NFU1: variants seen among roughly 807,000 people sequenced by gnomAD.
NFU1 encodes the protein NFU1 iron-sulfur cluster scaffold homolog, mitochondrial.
In NFU1, 30 loss-of-function variants were observed where a neutral mutation model predicts 32.2. That is an observed-to-expected ratio of 0.93 (90% CI 0.70 to 1.26). The LOEUF (loss-of-function observed/expected upper bound fraction) is 1.26. Ranked by LOEUF, NFU1 falls within the 50% of genes most tolerant of loss-of-function variation. NFU1 has a pLI of 0.00. For missense variants in NFU1, 306 were observed against 306.6 expected, an observed-to-expected ratio of 1.00 and a Z score of 0.02; for synonymous variants, 112 against 104.6, an observed-to-expected ratio of 1.07 and a Z score of -0.43.
At chr2:69,401,612 G>A (rs936367152) in intron 6 of NFU1, among the ~76,000 whole-genome samples, 2 of 152,114 alleles carry the variant, frequency 1.3e-5, no homozygotes, top group African/African-American at 4.8e-5. Context: ...TATTACTACT[G>A]GGAATATACC....
intron 4 of NFU1, among the ~76,000 whole-genome samples, chr2:69,417,295 T>C (rs1045817114): frequency 6.6e-6 from 1 of 152,006 alleles, no homozygotes; most frequent in East Asian, 1.9e-4. Context: ...TGATAGTCCA[T>C]GATGAGAAAC....
rs1673656113 is a variant in NFU1 at position 69,432,018 on chromosome 2, G to C, written c.63-13C>G. On this transcript the variant is annotated splice_polypyrimidine_tract_variant and intron_variant, in intron 1 of 7. Coordinates refer to ENST00000410022, the MANE Select transcript of NFU1 (RefSeq NM_001002755.4). ...CATATGACAGAACCTGCATTTAAAAGCACATAATGAATGACATTTTAAGAG... is the reference window on the plus strand; with the variant it reads ...CATATGACAGAACCTGCATTTAAAACCACATAATGAATGACATTTTAAGAG... The C allele has an allele frequency of 6.5e-7, 1 of 1,537,638 alleles. No homozygotes were observed. Among genetic ancestry groups the C allele is most frequent in the African/African-American group, 1.4e-5 (1 of 73,650 alleles).
chr2:69,428,358 G>C (rs1358701809), intron 2 of NFU1, among the ~76,000 whole-genome samples: 1 of 151,924 alleles, frequency 6.6e-6, no homozygotes, highest in Non-Finnish European at 1.5e-5. Flanking sequence ...CCAGGAGAGG[G>C]AGGTTGCAGT....
intron 1 of NFU1, among the ~76,000 whole-genome samples, chr2:69,435,733 G>GT (rs1335060586): frequency 3.9e-5 from 6 of 152,154 alleles, no homozygotes; most frequent in African/African-American, 1.2e-4. Flanking sequence ...GTTGATCACA[G>GT]TAAGAGCTGT....
intron 1 of NFU1, among the ~76,000 whole-genome samples, chr2:69,433,539 G>A (rs924308459): frequency 6.6e-6 from 1 of 151,288 alleles, no homozygotes; most frequent in Non-Finnish European, 1.5e-5. Context: ...GCAGTGATGC[G>A]ATCCCAGCTT....
chr2:69,430,427 TG>T (rs1339452966), intron 2 of NFU1, among the ~76,000 whole-genome samples: 1 of 152,034 alleles, frequency 6.6e-6, no homozygotes, highest in African/African-American at 2.4e-5. Context: ...TTGCTGAGGC[TG>T]GTCTTGAACT....
chr2:69,438,176 A>T (rs943811603), upstream of NFU1, among the ~76,000 whole-genome samples: 10 of 152,170 alleles, frequency 6.6e-5, no homozygotes, highest in Admixed American at 1.3e-4. Flanking sequence ...ACATGTTAGA[A>T]ATCCTGGGCC....
intron 2 of NFU1, among the ~76,000 whole-genome samples, chr2:69,424,770 C>T (rs1673397054): frequency 6.6e-6 from 1 of 152,004 alleles, no homozygotes; most frequent in South Asian, 2.1e-4. Context: ...ATGCTACATT[C>T]TCTTCTTTCT....
At chr2:69,403,379 G>A (rs4555387) in intron 6 of NFU1, among the ~76,000 whole-genome samples, 99,443 of 151,390 alleles carry the variant, frequency 0.66, 33,972 homozygotes, top group African/African-American at 0.86. Flanking sequence ...TCTCCCCTCC[G>A]GAGGTTTGAT....
chr2:69,438,768 C>G (rs1196709203), upstream of NFU1, among the ~76,000 whole-genome samples: 1 of 152,000 alleles, frequency 6.6e-6, no homozygotes, highest in African/African-American at 2.4e-5. Flanking sequence ...GCAGCTCGCC[C>G]GGGCCCGCAC....
chr2:69,422,513 AC>A (rs1181027337), intron 3 of NFU1, among the ~76,000 whole-genome samples: 1 of 152,186 alleles, frequency 6.6e-6, no homozygotes, highest in Non-Finnish European at 1.5e-5. Flanking sequence ...TACAGATTCA[AC>A]TACCCTTATG....
chr2:69,417,492 T>TA (rs1326389523), intron 4 of NFU1, among the ~76,000 whole-genome samples: 2 of 120,684 alleles, frequency 1.7e-5, no homozygotes, highest in Non-Finnish European at 1.8e-5. Flanking sequence ...TAAAAAAAAA[T>TA]AAAAAAAAAA....
rs1574108966 is a variant in NFU1, at chr2:69,400,506, A to C, written c.578T>G (p.Ile193Ser). Residue 193 changes from isoleucine (I) to serine (S), a missense_variant, in exon 7 of 8, where the codon ATC becomes AGC. By Grantham distance (142) the Ile-to-Ser change is moderately radical. Coordinates refer to ENST00000410022, the MANE Select transcript of NFU1 (RefSeq NM_001002755.4). ...PTVQEDGGDVIYKGFEDGIVQ... is the reference protein window; with the variant it reads ...PTVQEDGGDVSYKGFEDGIVQ... ...AATGCCATCTTCAAAGCCTTTGTAG[A>C]TTACATCCCCTCCATCTTCCTGCAC... 2.5e-6 allele frequency: 4 copies of C among 1,613,980 alleles called. No homozygotes were observed. The African/African-American group carries it at 4.0e-5, about 16-fold the overall frequency.
At chr2:69,432,131 G>A in intron 1 of NFU1, 126 bp from the exon 2 acceptor site, 1 of 676,070 alleles carries the variant, frequency 1.5e-6, no homozygotes, top group Admixed American at 2.5e-5. Flanking sequence ...GAAATAATTA[G>A]AGAACTGACT....
intron 2 of NFU1, among the ~76,000 whole-genome samples, chr2:69,430,997 T>C (rs1401865544): frequency 6.6e-6 from 1 of 152,198 alleles, no homozygotes; most frequent in Non-Finnish European, 1.5e-5. Context: ...CCTCTCCCCT[T>C]AAACTTCCCT....
intron 2 of NFU1, among the ~76,000 whole-genome samples, chr2:69,424,204 T>A (rs1467454850): frequency 6.4e-4 from 83 of 129,450 alleles, no homozygotes; most frequent in Non-Finnish European, 8.9e-4. Context: ...AAAAAATATA[T>A]ATATATATAT....
At chr2:69,431,374 C>A (rs879487134) in intron 2 of NFU1, among the ~76,000 whole-genome samples, 1 of 152,098 alleles carries the variant, frequency 6.6e-6, no homozygotes, top group Non-Finnish European at 1.5e-5. Flanking sequence ...GGTGTGATCA[C>A]GGCTCACTGC....
chr2:69,415,038 T>A (rs1009715090), intron 5 of NFU1, 147 bp downstream of exon 5: 11 of 617,334 alleles, frequency 1.8e-5, no homozygotes, highest in African/African-American at 1.5e-4. Flanking sequence ...TACACAAGCT[T>A]TCAAAATGAT....
At chr2:69,424,768 T>A (rs1211720276) in intron 2 of NFU1, among the ~76,000 whole-genome samples, 1 of 152,180 alleles carries the variant, frequency 6.6e-6, no homozygotes, top group Non-Finnish European at 1.5e-5. Context: ...AAATGCTACA[T>A]TCTCTTCTTT....
Sources: gnomAD v4.1 joint callset for allele counts (sites outside exome capture counted in the v4.1 genomes callset) on GRCh38, gnomAD v4.1.1 for gene constraint, MANE v1.5 for transcripts, NCBI Gene and HGNC (gene_info 2026-07-23, HGNC 2026-07-21) for gene names.